ADK: variants seen among roughly 807,000 people sequenced by gnomAD.
ADK encodes adenosine kinase, also known as N6,N6-dimethyladenosine kinase.
A neutral mutation model predicts 44.7 loss-of-function variants in ADK; 24 were observed. That is an observed-to-expected ratio of 0.54 (90% confidence interval 0.39 to 0.76). The LOEUF (loss-of-function observed/expected upper bound fraction) is 0.76. Among genes scored for constraint, ADK ranks in the 30% least tolerant of loss-of-function variants. The pLI, the probability that ADK is intolerant of heterozygous loss-of-function variation, is 0.00. For missense variants in ADK, 321 were observed against 425.1 expected, an observed-to-expected ratio of 0.76 and a Z score of 2.15; for synonymous variants, 128 against 142.6, an observed-to-expected ratio of 0.90 and a Z score of 0.73.
intron 1 of ADK, chr10:74,176,455 G>C: frequency 1.8e-6 from 2 of 1,090,416 alleles, no homozygotes; most frequent in Non-Finnish European, 2.2e-6. Flanking sequence ...GGTAGACAGT[G>C]GCCACGTGAC....
chr10:74,443,039 C>T (rs1592221375), intron 6 of ADK, among the ~76,000 whole-genome samples: 1 of 151,946 alleles, frequency 6.6e-6, no homozygotes, highest in African/African-American at 2.4e-5. Context: ...AGATTTTGGT[C>T]GTGGGGTGTA....
intron 6 of ADK, among the ~76,000 whole-genome samples, chr10:74,437,325 T>A (rs1264304246): frequency 1.3e-5 from 2 of 152,184 alleles, no homozygotes; most frequent in African/African-American, 2.4e-5. Flanking sequence ...TATTTCCAAA[T>A]GTATATTTTT....
At chr10:74,652,271 T>A (rs1854303158) in intron 9 of ADK, among the ~76,000 whole-genome samples, 1 of 151,174 alleles carries the variant, frequency 6.6e-6, no homozygotes, top group Non-Finnish European at 1.5e-5. Flanking sequence ...CTCGAACTCT[T>A]GACCTCAGGT....
chr10:74,268,379 T>C (rs1247226523), intron 3 of ADK, among the ~76,000 whole-genome samples: 1 of 152,062 alleles, frequency 6.6e-6, no homozygotes, highest in Non-Finnish European at 1.5e-5. Context: ...GGCTAAGCTG[T>C]TCTTACACTA....
At chr10:74,568,639 C>CT (rs79135944) in intron 7 of ADK, among the ~76,000 whole-genome samples, 150 of 128,400 alleles carry the variant, frequency 1.2e-3, no homozygotes, top group East Asian at 2.1e-3. Context: ...ATGGTTATTT[C>CT]TTTTTTTTTT....
chr10:74,630,938 G>A (rs1444090963), intron 9 of ADK, among the ~76,000 whole-genome samples: 1 of 151,694 alleles, frequency 6.6e-6, no homozygotes, highest in African/African-American at 2.4e-5. Context: ...ATGGACTCAT[G>A]AATATTTTAT....
intron 6 of ADK, among the ~76,000 whole-genome samples, chr10:74,518,526 T>A (rs1261129441): frequency 6.6e-6 from 1 of 152,186 alleles, no homozygotes; most frequent in African/African-American, 2.4e-5. Context: ...GAGTTAAGCT[T>A]TTTACTATTT....
At chr10:74,383,386 G>GTCTCTGTC (rs148751695) in intron 4 of ADK, among the ~76,000 whole-genome samples, 6 of 150,450 alleles carry the variant, frequency 4.0e-5, no homozygotes, top group South Asian at 2.1e-4. Context: ...TAGTCAGTCT[G>GTCTCTGTC]TCTGTCTCTG....
chr10:74,443,888 A>G (rs968534074), intron 6 of ADK, among the ~76,000 whole-genome samples: 2 of 152,126 alleles, frequency 1.3e-5, no homozygotes, highest in Middle Eastern at 3.2e-3. Context: ...TAAAAGTGTT[A>G]TTATTGCTAT....
At chr10:74,235,679 TG>T (rs1844932376) in intron 3 of ADK, among the ~76,000 whole-genome samples, 1 of 152,248 alleles carries the variant, frequency 6.6e-6, no homozygotes, top group African/African-American at 2.4e-5. Context: ...TTTTCCTGTG[TG>T]GGAGTGAGCT....
intron 4 of ADK, among the ~76,000 whole-genome samples, chr10:74,369,286 G>T (rs1441402969): frequency 6.6e-6 from 1 of 152,190 alleles, no homozygotes; most frequent in Non-Finnish European, 1.5e-5. Flanking sequence ...AGACCGGGAG[G>T]TAGAGGCTGC....
chr10:74,700,710 C>G (rs1564859507), intron 10 of ADK, among the ~76,000 whole-genome samples: 1 of 151,776 alleles, frequency 6.6e-6, no homozygotes, highest in African/African-American at 2.4e-5. Context: ...GGAAGATAAA[C>G]CAGAAAACAG....
intron 1 of ADK, among the ~76,000 whole-genome samples, chr10:74,157,840 C>T (rs889072574): frequency 2.6e-5 from 4 of 152,050 alleles, no homozygotes; most frequent in Non-Finnish European, 5.9e-5. Flanking sequence ...TGGGGTGAGC[C>T]GAGATCGTGC....
chr10:74,257,455 A>G (rs1373517195), intron 3 of ADK, among the ~76,000 whole-genome samples: 1 of 152,220 alleles, frequency 6.6e-6, no homozygotes, highest in Non-Finnish European at 1.5e-5. Context: ...ATCTATATGT[A>G]TGTTTTAAAG....
intron 10 of ADK, among the ~76,000 whole-genome samples, chr10:74,688,734 G>A (rs1034940400): frequency 3.3e-5 from 5 of 151,974 alleles, no homozygotes; most frequent in Middle Eastern, 3.2e-3. Flanking sequence ...GAGCAATATC[G>A]TGAGACCCCC....
intron 1 of ADK, among the ~76,000 whole-genome samples, chr10:74,159,789 C>T (rs1172583960): frequency 6.6e-6 from 1 of 152,124 alleles, no homozygotes; most frequent in Non-Finnish European, 1.5e-5. Context: ...GACAGGGTTT[C>T]ACAATGTTGG....
rs1184918774 is a variant in ADK at position 74,266,315 on chromosome 10, T to G, written c.194+41724T>G. On this transcript the variant is annotated intron_variant, in intron 3 of 10. Coordinates refer to ENST00000539909, the MANE Select transcript of ADK (RefSeq NM_006721.4). Reference sequence around the variant, plus strand: ...GGCTCACGCCTGTAATCTCAGCACCTTGGGAGGCCGAGGTGGGTGGATCAC... The same window carrying G: ...GGCTCACGCCTGTAATCTCAGCACCGTGGGAGGCCGAGGTGGGTGGATCAC... 2.0e-5 allele frequency among the ~76,000 whole-genome samples: 3 copies of G among 152,072 alleles called. No homozygotes were observed. In the East Asian group the frequency reaches 5.8e-4, roughly 29 times the overall value.
intron 4 of ADK, among the ~76,000 whole-genome samples, chr10:74,351,642 A>G (rs1592085928): frequency 6.6e-6 from 1 of 152,324 alleles, no homozygotes; most frequent in Middle Eastern, 3.4e-3. Flanking sequence ...CTGTTTGCAG[A>G]TGACATGATT....
chr10:74,448,889 A>G (rs981460332), intron 6 of ADK, among the ~76,000 whole-genome samples: 1 of 152,142 alleles, frequency 6.6e-6, no homozygotes, highest in Non-Finnish European at 1.5e-5. Flanking sequence ...TTTTAAAAAA[A>G]AAAATGCCCA....
Sources: gnomAD v4.1 joint callset for allele counts (sites outside exome capture counted in the v4.1 genomes callset) on GRCh38, gnomAD v4.1.1 for gene constraint, MANE v1.5 for transcripts, NCBI Gene and HGNC (gene_info 2026-07-23, HGNC 2026-07-21) for gene names.